Variants in MRFAP1L1 observed in about 807,000 individuals in gnomAD.
MRFAP1L1 encodes Morf4 family associated protein 1 like 1.
Under a neutral mutation model 10.6 loss-of-function variants are expected in MRFAP1L1, and 9 were observed. The observed-to-expected ratio is 0.85, with a 90% CI of 0.51 to 1.48. The LOEUF (loss-of-function observed/expected upper bound fraction) is 1.48. Ranked by LOEUF, MRFAP1L1 falls within the 40% of genes most tolerant of loss-of-function variation. The pLI, the probability that MRFAP1L1 is intolerant of heterozygous loss-of-function variation, is 0.00. For synonymous variants in MRFAP1L1, 78 were observed against 70.4 expected, an observed-to-expected ratio of 1.11 and a Z score of -0.54; for missense variants, 177 against 171.4, an observed-to-expected ratio of 1.03 and a Z score of -0.18.
rs1475709325 is a variant in MRFAP1L1 at position 6,707,794 on chromosome 4, T to G, written c.*865A>C. The G allele has an allele frequency of 6.6e-6, 1 of 152,172 alleles. No homozygotes were observed. Among genetic ancestry groups the G allele is most frequent in the Admixed American group, 6.5e-5 (1 of 15,270 alleles). The allele number at this position is 152,172 out of a possible 1,614,324, so 9.4% of individuals were successfully genotyped here. ...TTAAAAAAGGCTTTTTAGGTCTTTG[T>G]TTTTCAAGGCAAATTAACACTTATT... On this transcript the variant is annotated 3_prime_UTR_variant, in exon 2 of 2. Transcript: ENST00000320848.
Position 6,709,545 on chromosome 4 carries a change from G to T in MRFAP1L1, c.85C>A (p.Leu29Ile). The change falls in exon 1 of 2, where the codon CTC becomes ATC. Residue 29 changes from leucine (L) to isoleucine (I), a missense_variant. Leu to Ile is a conservative substitution (Grantham distance 5). Coordinates refer to ENST00000320848, the MANE Select transcript of MRFAP1L1 (RefSeq NM_203462.3). ...EPEEDFEQFL[L>I]PVINEMREDI... ...TCGCGCATCTCGTTGATGACCGGGA[G>T]CAGGAACTGCTCGAAATCCTCCTCG... is the stretch of plus-strand genomic sequence containing the variant. The T allele has an allele frequency of 6.2e-7, 1 of 1,614,248 alleles. No individual in the cohort carries two copies. The highest frequency in any genetic ancestry group is 2.2e-5 in the East Asian group (1 of 44,890).
Position 6,708,297 on chromosome 4 carries a change from T to C in MRFAP1L1, c.*362A>G, listed in dbSNP as rs1039772048. 6 of 152,712 alleles carry C rather than the reference T, an allele frequency of 3.9e-5. No homozygotes were observed. Among genetic ancestry groups the C allele is most frequent in the African/African-American group, 1.4e-4 (6 of 41,570 alleles). 9.5% of individuals were successfully genotyped at this position (152,712 alleles called of 1,614,324 possible). A position where few individuals can be genotyped will look rare whatever the true frequency, so the allele number is the denominator to read the frequency against. ...AAGATTCTGATCCCACGTCTTGACG[T>C]GTTCCAAAAAACAATCAGGTCACAA... On this transcript the variant is annotated 3_prime_UTR_variant, in exon 2 of 2. Coordinates refer to ENST00000320848, the MANE Select transcript of MRFAP1L1 (RefSeq NM_203462.3).
chr4:6,709,554 G>A lies in MRFAP1L1; in HGVS notation c.76C>T (p.Gln26Ter), dbSNP rs779357244. The A allele has an allele frequency of 1.4e-5, 23 of 1,614,132 alleles. No homozygotes were observed. Among genetic ancestry groups the A allele is most frequent in the Non-Finnish European group, 1.9e-5 (22 of 1,180,042 alleles). Reference protein sequence around the residue: ...EVLEPEEDFEQFLLPVINEMR... With the variant: ...EVLEPEEDFE Reference sequence around the variant, plus strand: ...TCGTTGATGACCGGGAGCAGGAACTGCTCGAAATCCTCCTCGGGCTCCAGC... The same window carrying A: ...TCGTTGATGACCGGGAGCAGGAACTACTCGAAATCCTCCTCGGGCTCCAGC... Residue 26 changes from glutamine (Q) to a stop codon, truncating the protein, a stop_gained, in exon 1 of 2, where the codon CAG becomes TAG. Transcript: ENST00000320848. LOFTEE classifies it high-confidence loss of function.
At position 6,709,540 on chromosome 4, in the gene MRFAP1L1, C is replaced by A; in HGVS notation, c.90G>T (p.Pro30=). The A allele has an allele frequency of 6.2e-7, 1 of 1,614,256 alleles. No homozygotes were observed. The highest frequency in any genetic ancestry group is 8.5e-7 in the Non-Finnish European group (1 of 1,180,052). ...TGTCCTCGCGCATCTCGTTGATGAC[C>A]GGGAGCAGGAACTGCTCGAAATCCT... ...PEEDFEQFLL[P]VINEMREDIA... The change falls in exon 1 of 2, where the codon CCG becomes CCT. Residue 30 remains proline, a synonymous_variant. Transcript: ENST00000320848.
Position 6,709,664 on chromosome 4 carries a change from G to A in MRFAP1L1, c.-35C>T, listed in dbSNP as rs760595098. The A allele has an allele frequency of 6.3e-7, 1 of 1,590,042 alleles. No individual in the cohort carries two copies. The highest frequency in any genetic ancestry group is 8.6e-7 in the Non-Finnish European group (1 of 1,163,952). On this transcript the variant is annotated 5_prime_UTR_variant, in exon 1 of 2. Transcript: ENST00000320848. ...CCGCTTCCTCAGTACCGCAGTAGGG[G>A]CGTTCTTCTCACCGGAACCCTCCAA...
rs2818 is a variant in MRFAP1L1, at chr4:6,707,961, A to C, written c.*698T>G. On this transcript the variant is annotated 3_prime_UTR_variant, in exon 2 of 2. Coordinates refer to ENST00000320848, the MANE Select transcript of MRFAP1L1 (RefSeq NM_203462.3). ...ACTGTCTCTTCCATGCCATTCTCTG[A>C]TGCCCCTATAATGTGTGAGGGTATT... The C allele has an allele frequency of 1.5e-5, 1 of 67,862 alleles. No homozygotes were observed. The highest frequency in any genetic ancestry group is 5.6e-5 in the Non-Finnish European group (1 of 17,842). The allele number at this position is 67,862 out of a possible 1,614,324, so 4.2% of individuals were successfully genotyped here.
At chr4:6,708,927 C>T (rs1714685558) in intron 1 of MRFAP1L1, 1 of 358,542 alleles carries the variant, frequency 2.8e-6, no homozygotes, top group Non-Finnish European at 5.3e-6. Context: ...GACAGGTCTA[C>T]TTCTGGCGAC....
Position 6,709,308 on chromosome 4 carries a change from CA to C in MRFAP1L1, c.321del (p.Ile107MetfsTer15). 1 of 1,614,272 alleles carries C rather than the reference CA, an allele frequency of 6.2e-7. No individual in the cohort carries two copies. The highest frequency in any genetic ancestry group is 1.1e-5 in the South Asian group (1 of 91,090). ...TCGACCAGCATCTCTGCCATCTTCG[CA>C]ATCTCCTTGGCTTTCTCCTCAGCCT... Reference protein sequence around the residue: ...CEKAEEKAKEIAKMAEMLVEL... With the variant: ...CEKAEEKAKEXAKMAEMLVEL... On this transcript the variant is annotated frameshift_variant, in exon 1 of 2. Coordinates refer to ENST00000320848, the MANE Select transcript of MRFAP1L1 (RefSeq NM_203462.3). LOFTEE classifies it high-confidence loss of function.
Position 6,709,699 on chromosome 4 carries a change from A to C in MRFAP1L1, c.-70T>G. The C allele has an allele frequency of 6.5e-7, 1 of 1,549,248 alleles. No individual in the cohort carries two copies. The highest frequency in any genetic ancestry group is 2.3e-5 in the East Asian group (1 of 44,024). On this transcript the variant is annotated 5_prime_UTR_variant, in exon 1 of 2. Transcript: ENST00000320848. The stretch of plus-strand genomic sequence containing the variant: ...CACCGGAACCCTCCAAGAACTGGAG[A>C]TCAGCAGTTACTGCTGGAGGCTGAG...
At position 6,709,543 on chromosome 4, in the gene MRFAP1L1, G is replaced by A. The variant is rs756189493; in HGVS notation, c.87C>T (p.Leu29=). Residue 29 remains leucine (L), a synonymous_variant, in exon 1 of 2, where the codon CTC becomes CTT. Transcript: ENST00000320848. The part of the protein sequence containing the change: ...EPEEDFEQFL[L]PVINEMREDI... Reference sequence around the variant, plus strand: ...CCTCGCGCATCTCGTTGATGACCGGGAGCAGGAACTGCTCGAAATCCTCCT... The same window carrying A: ...CCTCGCGCATCTCGTTGATGACCGGAAGCAGGAACTGCTCGAAATCCTCCT... The A allele has an allele frequency of 1.2e-6, 2 of 1,614,100 alleles. No homozygotes were observed. Among genetic ancestry groups the A allele is most frequent in the Non-Finnish European group, 1.7e-6 (2 of 1,180,050 alleles).
At chr4:6,709,070 A>G in intron 1 of MRFAP1L1, 161 bp downstream of exon 1, 1 of 768,988 alleles carries the variant, frequency 1.3e-6, no homozygotes, top group East Asian at 2.7e-5. Flanking sequence ...ACCAGCACGC[A>G]TTCTTTCCTC....
In MRFAP1L1 at chr4:6,709,754, C is replaced by T. The variant is rs764573357; in HGVS notation, c.-125G>A. 396 of 1,218,898 alleles carry T rather than the reference C, an allele frequency of 3.2e-4. No individual in the cohort carries two copies. The highest frequency in any genetic ancestry group is 4.3e-4 in the Non-Finnish European group (382 of 882,600). The allele number at this position is 1,218,898 out of a possible 1,614,324, so 75.5% of individuals were successfully genotyped here. A position where few individuals can be genotyped will look rare whatever the true frequency, so the allele number is the denominator to read the frequency against. On this transcript the variant is annotated 5_prime_UTR_variant, in exon 1 of 2. Transcript: ENST00000320848. ...CCACACGCTTTGTCAATTGTACTCCCGAATTATCTTTATTTTTTTTTCTTC... is the reference window on the plus strand; with the variant it reads ...CCACACGCTTTGTCAATTGTACTCCTGAATTATCTTTATTTTTTTTTCTTC...
Position 6,709,700 on chromosome 4 carries a change from T to TC in MRFAP1L1, c.-72dup. On this transcript the variant is annotated 5_prime_UTR_variant, in exon 1 of 2. Transcript: ENST00000320848. Reference sequence around the variant, plus strand: ...ACCGGAACCCTCCAAGAACTGGAGATCAGCAGTTACTGCTGGAGGCTGAGC... The same window carrying TC: ...ACCGGAACCCTCCAAGAACTGGAGATCCAGCAGTTACTGCTGGAGGCTGAGC... 2 of 1,549,140 alleles carry TC rather than the reference T, an allele frequency of 1.3e-6. No individual in the cohort carries two copies. Among genetic ancestry groups the TC allele is most frequent in the South Asian group, 2.4e-5 (2 of 82,646 alleles).
In MRFAP1L1 at chr4:6,708,109, C is replaced by A. The variant is rs1264541947; in HGVS notation, c.*550G>T. 1 of 152,626 alleles carries A rather than the reference C, an allele frequency of 6.6e-6. No homozygotes were observed. Among genetic ancestry groups the A allele is most frequent in the Non-Finnish European group, 1.5e-5 (1 of 68,036 alleles). 9.5% of individuals were successfully genotyped at this position (152,626 alleles called of 1,614,324 possible). On this transcript the variant is annotated 3_prime_UTR_variant, in exon 2 of 2. Coordinates refer to ENST00000320848, the MANE Select transcript of MRFAP1L1 (RefSeq NM_203462.3). ...GCCACAAAACATAGCTCTCCTCTTT[C>A]GTCTCACAGAGGAACTAAAGTTCCA... is the stretch of plus-strand genomic sequence containing the variant.
rs768697970 is a variant in MRFAP1L1 at position 6,709,226 on chromosome 4, C to T, written c.*15+5G>A. ...ATCCAAGCTCCAGCTAGTTTCCGACCTTACCACCGATCTCCTCCTTCAAGA... is the reference window on the plus strand; with the variant it reads ...ATCCAAGCTCCAGCTAGTTTCCGACTTTACCACCGATCTCCTCCTTCAAGA... On this transcript the variant is annotated splice_donor_5th_base_variant and intron_variant, in intron 1 of 1. Transcript: ENST00000320848. 5 of 1,610,412 alleles carry T rather than the reference C, an allele frequency of 3.1e-6. No individual in the cohort carries two copies. In the Admixed American group the frequency reaches 6.7e-5, roughly 21 times the overall value.
Position 6,709,465 on chromosome 4 carries a change from G to T in MRFAP1L1, c.165C>A (p.Ser55Arg). The T allele has an allele frequency of 2.5e-6, 4 of 1,614,248 alleles. No homozygotes were observed. The highest frequency in any genetic ancestry group is 3.4e-6 in the Non-Finnish European group (4 of 1,180,046). The change falls in exon 1 of 2, where the codon AGC becomes AGA. Residue 55 changes from serine to arginine, a missense_variant. Coordinates refer to ENST00000320848, the MANE Select transcript of MRFAP1L1 (RefSeq NM_203462.3). ...GCATATTGTCCATCTCCCACAGCTT[G>T]CTCCTGGTCCGCAGGTACGCCCGCC... ...EHGRAYLRTR[S>R]KLWEMDNMLI... is the part of the protein sequence containing the mutation.
intron 1 of MRFAP1L1, 37 bp from the exon 2 acceptor site, chr4:6,708,680 T>C (rs912477333): frequency 1.3e-5 from 2 of 154,024 alleles, no homozygotes; most frequent in South Asian, 2.0e-4. Context: ...CATGAAGACA[T>C]TGACTCTCAA....
chr4:6,708,743 C>G (rs1714677783), intron 1 of MRFAP1L1, 100 bp from the exon 2 acceptor site: 1 of 158,566 alleles, frequency 6.3e-6, no homozygotes, highest in African/African-American at 2.4e-5. Context: ...AAGAATGCCA[C>G]TTCTTTGAGA....
At position 6,709,620 on chromosome 4, in the gene MRFAP1L1, G is replaced by A; in HGVS notation, c.10C>T (p.Leu4=). ...GGCGCTTCCACCTCGTCTATGTCCA[G>A]GGGCCGCATCTCCTCCTGCCGCTTC... MRP[L]DIDEVEAPEE... Residue 4 remains leucine, a synonymous_variant, in exon 1 of 2, where the codon CTG becomes TTG. Coordinates refer to ENST00000320848, the MANE Select transcript of MRFAP1L1 (RefSeq NM_203462.3). The A allele has an allele frequency of 1.9e-6, 3 of 1,612,008 alleles. No homozygotes were observed. Among genetic ancestry groups the A allele is most frequent in the African/African-American group, 1.3e-5 (1 of 75,010 alleles).
Sources: allele counts gnomAD v4.1 joint callset, GRCh38; gene constraint gnomAD v4.1.1; transcripts MANE v1.5; gene names NCBI Gene and HGNC (gene_info 2026-07-23, HGNC 2026-07-21).